Variants in TRDN observed in about 807,000 individuals in gnomAD.
The protein encoded by TRDN is triadin in skeletal muscle.
TRDN carries 161 observed loss-of-function variants against 149.7 expected under a neutral mutation model. The observed-to-expected ratio is 1.08, with a 90% CI of 0.95 to 1.23. The LOEUF (loss-of-function observed/expected upper bound fraction) is 1.23, where lower values mean the gene tolerates loss of function less well. Among genes scored for constraint, TRDN ranks in the 50% most tolerant of loss-of-function variants. TRDN has a pLI of 0.00. For missense variants in TRDN, 896 were observed against 823.5 expected, an observed-to-expected ratio of 1.09 and a Z score of -1.08; for synonymous variants, 294 against 250.5, an observed-to-expected ratio of 1.17 and a Z score of -1.64.
chr6:123,477,673 A>G (rs557513266), intron 9 of TRDN, among the ~76,000 whole-genome samples: 8,714 of 152,076 alleles, frequency 0.057, 835 homozygotes, highest in African/African-American at 0.2. Context: ...ATGTCCAACA[A>G]TGATAGACTG....
At chr6:123,230,144 C>G (rs1775544898) in intron 38 of TRDN, among the ~76,000 whole-genome samples, 1 of 151,912 alleles carries the variant, frequency 6.6e-6, no homozygotes, top group Non-Finnish European at 1.5e-5. Flanking sequence ...CCCAAATGTT[C>G]ATCAGTGATA....
chr6:123,298,801 C>T (rs1219488774), intron 24 of TRDN, among the ~76,000 whole-genome samples: 2 of 152,020 alleles, frequency 1.3e-5, no homozygotes, highest in Non-Finnish European at 2.9e-5. Context: ...TTTACTGAAA[C>T]ATGCCATTAA....
chr6:123,584,977 G>A (rs1191283175), intron 1 of TRDN, among the ~76,000 whole-genome samples: 1 of 152,116 alleles, frequency 6.6e-6, no homozygotes, highest in African/African-American at 2.4e-5. Context: ...AAATGGCCAT[G>A]CTGTAGCAGG....
rs945226218 is a variant in TRDN at position 123,349,255 on chromosome 6, T to C, written c.1369+3284A>G. Among the ~76,000 whole-genome samples, 4 of 152,104 alleles carry C rather than the reference T, an allele frequency of 2.6e-5. No homozygotes were observed. In the East Asian group the frequency reaches 7.7e-4, roughly 29 times the overall value. On this transcript the variant is annotated intron_variant, in intron 21 of 40. Transcript: ENST00000334268. The stretch of plus-strand genomic sequence containing the variant: ...GTAAGTGAGGCAGTGGAGTGGAGAA[T>C]TGAGTTGCTAATGGTTCTCTTGAAA...
chr6:123,437,312 A>G (rs566165649), intron 12 of TRDN: 33 of 292,060 alleles, frequency 1.1e-4, no homozygotes, highest in African/African-American at 6.7e-4. Flanking sequence ...CCCTTTTCTT[A>G]GAGCATTTAC....
At chr6:123,489,777 G>C (rs1454749855) in intron 9 of TRDN, among the ~76,000 whole-genome samples, 3 of 152,010 alleles carry the variant, frequency 2.0e-5, no homozygotes, top group African/African-American at 7.2e-5. Flanking sequence ...TGATGCAACT[G>C]TAAAATATAT....
intron 9 of TRDN, chr6:123,470,356 A>G (rs946292715): frequency 2.0e-5 from 3 of 152,190 alleles, no homozygotes; most frequent in African/African-American, 7.2e-5. Context: ...AATAAGAATA[A>G]TAACATCTGT....
intron 10 of TRDN, chr6:123,464,427 C>A (rs570819779): frequency 4.8e-5 from 46 of 954,874 alleles, no homozygotes; most frequent in Non-Finnish European, 5.8e-5. Context: ...CTCACAATAA[C>A]GCTAGGAGAT....
At chr6:123,551,019 A>G (rs1220517251) in intron 2 of TRDN, among the ~76,000 whole-genome samples, 1 of 151,742 alleles carries the variant, frequency 6.6e-6, no homozygotes, top group Non-Finnish European at 1.5e-5. Context: ...CATTTTTAGC[A>G]GTGGTATATT....
intron 35 of TRDN, among the ~76,000 whole-genome samples, chr6:123,256,115 A>T (rs545088407): frequency 6.6e-6 from 1 of 151,784 alleles, no homozygotes; most frequent in African/African-American, 2.4e-5. Context: ...AGAGGCCCCA[A>T]TGTGTGATGT....
At chr6:123,349,432 A>G in intron 21 of TRDN, 2 of 748,164 alleles carry the variant, frequency 2.7e-6, no homozygotes, top group Non-Finnish European at 3.3e-6. Context: ...TTAAACAACC[A>G]AAGCACGAAG....
At chr6:123,263,882 T>C (rs1056466951) in intron 33 of TRDN, among the ~76,000 whole-genome samples, 1 of 151,984 alleles carries the variant, frequency 6.6e-6, no homozygotes, top group Non-Finnish European at 1.5e-5. Context: ...AATAACAAAA[T>C]CTAGATGACA....
At chr6:123,264,681 A>G (rs201585929) in intron 33 of TRDN, among the ~76,000 whole-genome samples, 1 of 135,408 alleles carries the variant, frequency 7.4e-6, no homozygotes, top group South Asian at 2.4e-4. Flanking sequence ...TTGTCAGTCA[A>G]TCAATGTACC....
At chr6:123,488,864 G>A in intron 9 of TRDN, 1 of 152,020 alleles carries the variant, frequency 6.6e-6, no homozygotes, top group East Asian at 1.9e-4. Context: ...CCTGTCTGCT[G>A]CTTTGTGCCA....
chr6:123,508,970 T>C (rs950426671), intron 7 of TRDN, among the ~76,000 whole-genome samples: 2 of 152,082 alleles, frequency 1.3e-5, no homozygotes, highest in Non-Finnish European at 2.9e-5. Context: ...TTTCTTATAA[T>C]AACATAATAC....
At chr6:123,559,627 A>G (rs555536349) in intron 2 of TRDN, among the ~76,000 whole-genome samples, 20 of 152,206 alleles carry the variant, frequency 1.3e-4, no homozygotes, top group Admixed American at 3.3e-4. Context: ...ATCCCATCCC[A>G]CAGCATGCTT....
At chr6:123,409,769 C>T (rs1210090329) in intron 12 of TRDN, among the ~76,000 whole-genome samples, 3 of 151,774 alleles carry the variant, frequency 2.0e-5, no homozygotes, top group Admixed American at 6.6e-5. Context: ...ATGCCATGTG[C>T]TATTATAAGG....
chr6:123,482,337 A>G (rs2114772824), intron 9 of TRDN, among the ~76,000 whole-genome samples: 2 of 152,352 alleles, frequency 1.3e-5, no homozygotes, highest in Middle Eastern at 6.8e-3. Context: ...TATTTTGTAG[A>G]TAGAGGATAA....
At chr6:123,480,148 G>T (rs1777677814) in intron 9 of TRDN, among the ~76,000 whole-genome samples, 1 of 149,496 alleles carries the variant, frequency 6.7e-6, no homozygotes, top group Non-Finnish European at 1.5e-5. Context: ...TTTCTTTATG[G>T]CAAATATTTA....
Sources: gnomAD v4.1 joint callset for allele counts (sites outside exome capture counted in the v4.1 genomes callset) on GRCh38, gnomAD v4.1.1 for gene constraint, MANE v1.5 for transcripts, NCBI Gene and HGNC (gene_info 2026-07-23, HGNC 2026-07-21) for gene names.